SAXO1: variants seen among roughly 807,000 people sequenced by gnomAD.
SAXO1 encodes the protein stabilizer of axonemal microtubules 1.
SAXO1 carries 21 observed loss-of-function variants against 17.5 expected under a neutral mutation model. The ratio of observed to expected loss-of-function variants is 1.20; its 90% CI spans 0.85 to 1.72. SAXO1 has a LOEUF of 1.72. Among genes scored for constraint, SAXO1 ranks in the 40% most tolerant of loss-of-function variants. The probability of loss-of-function intolerance (pLI) is 0.00; values close to 1 mark genes in which losing one functional copy is unlikely to be tolerated. For missense variants in SAXO1, 843 were observed against 596.0 expected (o/e 1.41, Z -4.32); for synonymous variants, 274 against 216.5 (o/e 1.27, Z -2.33).
chr9:18,930,966 G>A (rs2131669203), intron 3 of SAXO1, among the ~76,000 whole-genome samples: 1 of 152,310 alleles, frequency 6.6e-6, no homozygotes. Context: ...CTGCTTCCCA[G>A]GAGCCTTGGG....
intron 3 of SAXO1, among the ~76,000 whole-genome samples, chr9:18,937,304 G>C (rs1276515144): frequency 6.6e-6 from 1 of 152,182 alleles, no homozygotes; most frequent in Non-Finnish European, 1.5e-5. Context: ...GTGGGGATTT[G>C]TGTAGATATG....
intron 1 of SAXO1, among the ~76,000 whole-genome samples, chr9:19,009,818 G>C (rs946828240): frequency 1.5e-5 from 2 of 130,320 alleles, no homozygotes; most frequent in Non-Finnish European, 3.4e-5. Flanking sequence ...GTCCATTAAA[G>C]TTTTGGGGTT....
chr9:18,968,091 G>T (rs982756075), intron 1 of SAXO1, among the ~76,000 whole-genome samples: 1 of 152,184 alleles, frequency 6.6e-6, no homozygotes, highest in African/African-American at 2.4e-5. Context: ...TGTCTAACCA[G>T]TCCCAATGAG....
At chr9:18,991,717 T>C (rs1293597451) in intron 1 of SAXO1, among the ~76,000 whole-genome samples, 1 of 152,044 alleles carries the variant, frequency 6.6e-6, no homozygotes, top group Non-Finnish European at 1.5e-5. Flanking sequence ...AAGTACAATT[T>C]AAAAAAATTA....
intron 1 of SAXO1, among the ~76,000 whole-genome samples, chr9:18,975,112 G>A (rs1051632480): frequency 1.9e-4 from 29 of 152,162 alleles, no homozygotes; most frequent in African/African-American, 6.8e-4. Flanking sequence ...GGCAGCTATG[G>A]AGAAATAAGA....
At chr9:19,027,663 A>G (rs1835553526) in intron 1 of SAXO1, 1 of 1,368,560 alleles carries the variant, frequency 7.3e-7, no homozygotes, top group Non-Finnish European at 1.0e-6. Context: ...CTGGCCAAGG[A>G]GAAAGCGCCC....
intron 2 of SAXO1, among the ~76,000 whole-genome samples, chr9:18,942,620 G>T (rs140971427): frequency 6.6e-6 from 1 of 152,100 alleles, no homozygotes; most frequent in African/African-American, 2.4e-5. Flanking sequence ...TGGTGTCTGC[G>T]CCCCCATTGT....
chr9:19,041,015 C>T (rs919414963), intron 1 of SAXO1, among the ~76,000 whole-genome samples: 1 of 150,974 alleles, frequency 6.6e-6, no homozygotes, highest in Non-Finnish European at 1.5e-5. Context: ...TCGTTGTTTG[C>T]AGATGATATG....
chr9:19,017,391 T>C (rs1056259111), intron 1 of SAXO1, among the ~76,000 whole-genome samples: 2 of 152,108 alleles, frequency 1.3e-5, no homozygotes, highest in African/African-American at 4.8e-5. Flanking sequence ...AAATAAAAGA[T>C]GAAAAAATAT....
At position 19,033,025 on chromosome 9, in the gene SAXO1, T is replaced by C. The variant is rs1370581780; in HGVS notation, c.-117A>G. 1.8e-6 allele frequency: 2 copies of C among 1,096,434 alleles called. No individual in the cohort carries two copies. The highest frequency in any genetic ancestry group is 2.5e-6 in the Non-Finnish European group (2 of 802,562). 67.9% of individuals were successfully genotyped at this position (1,096,434 alleles called of 1,614,324 possible). On this transcript the variant is annotated 5_prime_UTR_variant, in exon 1 of 4. Coordinates refer to ENST00000380534, the MANE Select transcript of SAXO1 (RefSeq NM_153707.4). ...GGCTCGAGGGTCTTGGCAGGTGTTC[T>C]GTTTACTCGAAGGAAAATTTAAGTG...
intron 1 of SAXO1, among the ~76,000 whole-genome samples, chr9:19,016,998 C>A (rs1275046922): frequency 1.3e-5 from 2 of 151,760 alleles, no homozygotes; most frequent in African/African-American, 4.8e-5. Flanking sequence ...TCAGAAGCTC[C>A]CCTCTGCAAC....
intron 1 of SAXO1, among the ~76,000 whole-genome samples, chr9:19,000,294 C>G (rs557264973): frequency 6.6e-6 from 1 of 150,906 alleles, no homozygotes; most frequent in African/African-American, 2.4e-5. Context: ...CCAGCCGCCC[C>G]ACCCTCTGGG....
At chr9:19,027,447 T>A (rs1835536497) in intron 1 of SAXO1, 1 of 765,006 alleles carries the variant, frequency 1.3e-6, no homozygotes, top group African/African-American at 1.7e-5. Context: ...TGGAGGCCAC[T>A]GTCTTGTCAA....
At chr9:19,025,065 A>G (rs1835416983) in intron 1 of SAXO1, among the ~76,000 whole-genome samples, 1 of 152,260 alleles carries the variant, frequency 6.6e-6, no homozygotes. Context: ...GATGAAAGGT[A>G]TTTATGAACA....
At chr9:18,970,951 T>C (rs954948793) in intron 1 of SAXO1, among the ~76,000 whole-genome samples, 5 of 152,156 alleles carry the variant, frequency 3.3e-5, no homozygotes, top group Admixed American at 2.6e-4. Context: ...CTCCCTGTGT[T>C]AAGGTTTCAG....
At chr9:19,039,408 AT>A (rs1213021354) in intron 1 of SAXO1, among the ~76,000 whole-genome samples, 2 of 152,212 alleles carry the variant, frequency 1.3e-5, no homozygotes, top group East Asian at 3.8e-4. Flanking sequence ...GTTAAAGTTT[AT>A]GTGTATGATG....
At chr9:18,958,327 G>C (rs1263317885) in intron 1 of SAXO1, among the ~76,000 whole-genome samples, 1 of 152,172 alleles carries the variant, frequency 6.6e-6, no homozygotes, top group Admixed American at 6.5e-5. Context: ...GGGAGGCTGA[G>C]GCAGGACAAT....
chr9:19,047,048 A>G (rs181945673), intron 1 of SAXO1, among the ~76,000 whole-genome samples: 1 of 152,262 alleles, frequency 6.6e-6, no homozygotes, highest in Admixed American at 6.5e-5. Flanking sequence ...TTAGCCAGGT[A>G]TGGTGGCAGG....
At chr9:19,016,964 A>C (rs1173924670) in intron 1 of SAXO1, among the ~76,000 whole-genome samples, 1 of 152,010 alleles carries the variant, frequency 6.6e-6, no homozygotes, top group African/African-American at 2.4e-5. Context: ...GTGAGGCCTG[A>C]GCATGTGACC....
Sources: gnomAD v4.1 joint callset for allele counts (sites outside exome capture counted in the v4.1 genomes callset) on GRCh38, gnomAD v4.1.1 for gene constraint, MANE v1.5 for transcripts, NCBI Gene and HGNC (gene_info 2026-07-23, HGNC 2026-07-21) for gene names.